Variants in PROS1 observed in about 807,000 individuals in gnomAD.
PROS1 encodes vitamin K-dependent protein S.
PROS1 carries 29 observed loss-of-function variants against 75.9 expected under a neutral mutation model. The observed-to-expected ratio is 0.38, with a 90% CI of 0.28 to 0.52. PROS1 has a LOEUF of 0.52. Ranked by LOEUF, PROS1 falls within the 20% of genes least tolerant of loss-of-function variation. The pLI is 0.83. For missense variants in PROS1, 680 were observed against 810.3 expected, an observed-to-expected ratio of 0.84 and a Z score of 1.95; for synonymous variants, 245 against 280.6, an observed-to-expected ratio of 0.87 and a Z score of 1.27.
At chr3:93,929,512 T>C (rs528706824) in intron 1 of PROS1, among the ~76,000 whole-genome samples, 15 of 152,156 alleles carry the variant, frequency 9.9e-5, no homozygotes, top group Admixed American at 5.2e-4. Context: ...AAATAAAAGC[T>C]ATAATAAACC....
intron 1 of PROS1, among the ~76,000 whole-genome samples, chr3:93,935,249 TTA>T (rs1386923605): frequency 2.6e-5 from 4 of 152,048 alleles, no homozygotes; most frequent in African/African-American, 9.7e-5. Context: ...TGCAAACTGG[TTA>T]TGTTTCCTAA....
At chr3:93,898,732 C>T (rs1708540948) in intron 7 of PROS1, among the ~76,000 whole-genome samples, 163 bp from the exon 8 acceptor site, 2 of 151,802 alleles carry the variant, frequency 1.3e-5, no homozygotes, top group Non-Finnish European at 2.9e-5. Flanking sequence ...TAATACTGAA[C>T]ATGGAAATTT....
At chr3:93,887,097 T>A (rs948175401) in intron 10 of PROS1, among the ~76,000 whole-genome samples, 2 of 151,764 alleles carry the variant, frequency 1.3e-5, no homozygotes, top group Non-Finnish European at 2.9e-5. Context: ...TTTTTGTATT[T>A]TTAGTAGAGA....
intron 12 of PROS1, among the ~76,000 whole-genome samples, 164 bp downstream of exon 12, chr3:93,884,564 C>A (rs773385933): frequency 5.3e-5 from 8 of 152,078 alleles, no homozygotes; most frequent in Non-Finnish European, 1.0e-4. Flanking sequence ...TCCCAATACA[C>A]TGAAAAATTT....
At chr3:93,884,989 C>A (rs1302079056) in intron 11 of PROS1, 93 bp from the exon 12 acceptor site, 36 of 1,111,510 alleles carry the variant, frequency 3.2e-5, no homozygotes. Context: ...AAAAAAAATC[C>A]TTTCTTTGAT....
intron 1 of PROS1, among the ~76,000 whole-genome samples, chr3:93,963,584 G>C (rs1317130847): frequency 6.6e-6 from 1 of 152,174 alleles, no homozygotes; most frequent in Non-Finnish European, 1.5e-5. Context: ...TCTGCAGGCT[G>C]TACAAGAAGC....
chr3:93,968,891 C>T (rs1411641648), intron 1 of PROS1, among the ~76,000 whole-genome samples: 1 of 152,078 alleles, frequency 6.6e-6, no homozygotes, highest in African/African-American at 2.4e-5. Context: ...GATGGACCAC[C>T]CACAGGTAGG....
At chr3:93,910,566 T>C in intron 4 of PROS1, 53 bp downstream of exon 4, 1 of 1,440,070 alleles carries the variant, frequency 6.9e-7, no homozygotes, top group Non-Finnish European at 9.7e-7. Flanking sequence ...ATGGGTGTAC[T>C]TTACCTACAG....
chr3:93,940,727 C>T (rs1038648566), intron 1 of PROS1, among the ~76,000 whole-genome samples: 1 of 152,252 alleles, frequency 6.6e-6, no homozygotes, highest in Middle Eastern at 3.4e-3. Context: ...ACCCTAATCA[C>T]CATTACCTTG....
chr3:93,876,617 G>A (rs1708192690), intron 14 of PROS1, among the ~76,000 whole-genome samples: 1 of 141,434 alleles, frequency 7.1e-6, no homozygotes, highest in Non-Finnish European at 1.5e-5. Context: ...AAAAAAAGCT[G>A]GATAAATGAT....
intron 6 of PROS1, 106 bp downstream of exon 6, chr3:93,905,678 A>T (rs571174060): frequency 8.3e-7 from 1 of 1,201,278 alleles, no homozygotes; most frequent in African/African-American, 1.5e-5. Context: ...ATGTGTTAGT[A>T]TAAGCACTTA....
chr3:93,939,263 TC>T lies in PROS1; in HGVS notation c.77-11857del, dbSNP rs552805403. Among the ~76,000 whole-genome samples, 6 of 152,216 alleles carry T rather than the reference TC, an allele frequency of 3.9e-5. No individual in the cohort carries two copies. The East Asian group carries it at 1.2e-3, about 29-fold the overall frequency. On this transcript the variant is annotated intron_variant, in intron 1 of 14. Coordinates refer to ENST00000394236, the MANE Select transcript of PROS1 (RefSeq NM_000313.4). ...TCTGAGGTGCCTGACGTCCAGGCAT[TC>T]TTTTACACATCAGTCCCTCCCTAGT...
Position 93,938,681 on chromosome 3 carries a change from GT to G in PROS1, c.77-11275del, listed in dbSNP as rs148158588. ...CAATCTCCCTGTCCTTCCAATTCCAGTTTTTTTTCCTCTCTAGTAGAGACAA... is the reference window on the plus strand; with the variant it reads ...CAATCTCCCTGTCCTTCCAATTCCAGTTTTTTTCCTCTCTAGTAGAGACAA... On this transcript the variant is annotated intron_variant, in intron 1 of 14. Transcript: ENST00000394236. Among the ~76,000 whole-genome samples the G allele has an allele frequency of 1.9e-3, 293 of 152,072 alleles. 4 individuals are homozygous for G. The East Asian group carries it at 0.044, about 23-fold the overall frequency.
At chr3:93,887,418 T>A (rs1708365964) in intron 10 of PROS1, among the ~76,000 whole-genome samples, 1 of 152,124 alleles carries the variant, frequency 6.6e-6, no homozygotes, top group Non-Finnish European at 1.5e-5. Context: ...ACAATAAAAA[T>A]TCCTTCTACA....
chr3:93,881,301 G>A (rs954690085), intron 12 of PROS1, among the ~76,000 whole-genome samples: 5 of 152,044 alleles, frequency 3.3e-5, no homozygotes, highest in African/African-American at 1.2e-4. Flanking sequence ...CAGCCTGGAT[G>A]ACAGAGAGAG....
At chr3:93,939,822 C>A (rs1246384535) in intron 1 of PROS1, among the ~76,000 whole-genome samples, 1 of 152,140 alleles carries the variant, frequency 6.6e-6, no homozygotes, top group Non-Finnish European at 1.5e-5. Context: ...CCAATCCGCT[C>A]CCGACATTAG....
intron 1 of PROS1, among the ~76,000 whole-genome samples, chr3:93,935,713 T>A (rs990581513): frequency 6.6e-6 from 1 of 152,134 alleles, no homozygotes; most frequent in Admixed American, 6.5e-5. Flanking sequence ...CAAGTGAGAT[T>A]ACTTGGAATA....
chr3:93,956,512 GTCTCTC>G (rs376634185), intron 1 of PROS1, among the ~76,000 whole-genome samples: 2 of 98,700 alleles, frequency 2.0e-5, no homozygotes, highest in African/African-American at 4.2e-5. Flanking sequence ...CTCTCTCTCT[GTCTCTC>G]TCTCTCTCTC....
chr3:93,890,537 C>A lies in PROS1; in HGVS notation c.1155+2396G>T, dbSNP rs150582727. Among the ~76,000 whole-genome samples, 839 of 152,224 alleles carry A rather than the reference C, an allele frequency of 5.5e-3. 6 individuals are homozygous for A. The highest frequency in any genetic ancestry group is 7.8e-3 in the Admixed American group (120 of 15,292). On this transcript the variant is annotated intron_variant, in intron 10 of 14. Coordinates refer to ENST00000394236, the MANE Select transcript of PROS1 (RefSeq NM_000313.4). ...GCTCAGGTGGGCATCACAGTCCTAT[C>A]GATATGTGATGTCACCCCTGGAGGC...
Sources: gnomAD v4.1 joint callset for allele counts (sites outside exome capture counted in the v4.1 genomes callset) on GRCh38, gnomAD v4.1.1 for gene constraint, MANE v1.5 for transcripts, NCBI Gene and HGNC (gene_info 2026-07-23, HGNC 2026-07-21) for gene names.